The following USF3 variants were observed in gnomAD, a reference collection of about 807,000 sequenced individuals.
USF3 encodes the protein upstream transcription factor family member 3, also known as basic helix-loop-helix domain-containing protein USF3.
USF3 carries 29 observed loss-of-function variants against 157.5 expected under a neutral mutation model. The ratio of observed to expected loss-of-function variants is 0.18; its 90% CI spans 0.14 to 0.25. The LOEUF is 0.25. USF3 is among the 10% of genes least tolerant of loss of function. The pLI, the probability that USF3 is intolerant of heterozygous loss-of-function variation, is 1.00. For missense variants in USF3, 2,381 were observed against 2,667.6 expected, an observed-to-expected ratio of 0.89 and a Z score of 2.37; for synonymous variants, 893 against 941.4, an observed-to-expected ratio of 0.95 and a Z score of 0.94.
At chr3:113,689,172 T>C (rs1483638175) in intron 1 of USF3, among the ~76,000 whole-genome samples, 2 of 152,254 alleles carry the variant, frequency 1.3e-5, no homozygotes, top group African/African-American at 4.8e-5. Flanking sequence ...ATCTCAAAGC[T>C]GGCAGGTACT....
chr3:113,695,103 C>T (rs1707771361), intron 1 of USF3, among the ~76,000 whole-genome samples: 1 of 152,194 alleles, frequency 6.6e-6, no homozygotes, highest in South Asian at 2.1e-4. Flanking sequence ...CATTAAAAGC[C>T]GTCCTTGGAC....
In USF3 at chr3:113,674,834, G is replaced by A. The variant is rs1230750030; in HGVS notation, c.45C>T (p.His15=). 1 of 1,612,968 alleles carries A rather than the reference G, an allele frequency of 6.2e-7. No individual in the cohort carries two copies. Among genetic ancestry groups the A allele is most frequent in the Non-Finnish European group, 8.5e-7 (1 of 1,178,998 alleles). Residue 15 remains histidine, a splice_region_variant and synonymous_variant, in exon 3 of 7, where the codon CAC becomes CAT. Transcript: ENST00000316407. ...TENETPTKKQ[H]RKKNRETHNA... is the part of the protein sequence containing the mutation. Reference sequence around the variant, plus strand: ...ATATTGGGGCTGTGGATACATACCTGTGCTGCTTTTTTGTAGGCGTCTCAT... The same window carrying A: ...ATATTGGGGCTGTGGATACATACCTATGCTGCTTTTTTGTAGGCGTCTCAT...
At position 113,655,974 on chromosome 3, in the gene USF3, G is replaced by A. The variant is rs763568944; in HGVS notation, c.5708C>T (p.Ser1903Leu). 37 of 1,614,044 alleles carry A rather than the reference G, an allele frequency of 2.3e-5. No individual in the cohort carries two copies. In the Admixed American group the frequency reaches 3.8e-4, roughly 17 times the overall value. The change falls in exon 7 of 7, where the codon TCA (serine) becomes TTA (leucine). Residue 1903 changes from serine to leucine, a missense_variant. By Grantham distance (145) the Ser-to-Leu change is moderately radical. Around this residue, in one of 6 missense-constraint regions of USF3, gnomAD observed 770 missense variants for 824.2 expected, o/e 0.93. Transcript: ENST00000316407. Reference protein sequence around the residue: ...LNIPFSSSSSSGDIQGRNTSP... With the variant: ...LNIPFSSSSSLGDIQGRNTSP... ...TGTGTTTCGACCTTGAATATCTCCT[G>A]AGGAAGAGGAACTTGAAAAAGGAAT... is the stretch of plus-strand genomic sequence containing the variant.
chr3:113,660,968 C>T lies in USF3; in HGVS notation c.714G>A (p.Glu238=). The part of the protein sequence containing the change: ...PAAISAQSIL[E]LPTSESESNV... ...TTGATTCGCTTTCAGAGGTGGGAAGCTCGAGAATACTCTGAGCAGAAATGG... is the reference window on the plus strand; with the variant it reads ...TTGATTCGCTTTCAGAGGTGGGAAGTTCGAGAATACTCTGAGCAGAAATGG... The change falls in exon 7 of 7, where the codon GAG becomes GAA. Residue 238 remains glutamate, a synonymous_variant. Transcript: ENST00000316407. 1 of 1,614,144 alleles carries T rather than the reference C, an allele frequency of 6.2e-7. No individual in the cohort carries two copies. The highest frequency in any genetic ancestry group is 8.5e-7 in the Non-Finnish European group (1 of 1,180,032).
At position 113,675,780 on chromosome 3, in the gene USF3, G is replaced by T. The variant is rs1029966106; in HGVS notation, c.-18-884C>A. Among the ~76,000 whole-genome samples the T allele has an allele frequency of 7.2e-5, 11 of 152,178 alleles. 1 individual carries two copies. Among genetic ancestry groups the T allele is most frequent in the Admixed American group, 2.6e-4 (4 of 15,284 alleles). On this transcript the variant is annotated intron_variant, in intron 2 of 6. Transcript: ENST00000316407. Reference sequence around the variant, plus strand: ...ATTGAGTCACAGCTCCACAGTGCTGGAGAATGCCTCTGGAAACTTACAATC... The same window carrying T: ...ATTGAGTCACAGCTCCACAGTGCTGTAGAATGCCTCTGGAAACTTACAATC...
At chr3:113,689,901 T>C (rs1445171338) in intron 1 of USF3, among the ~76,000 whole-genome samples, 2 of 152,236 alleles carry the variant, frequency 1.3e-5, no homozygotes, top group Non-Finnish European at 2.9e-5. Flanking sequence ...TCTTTCTCCT[T>C]TGAGTTCCAA....
In USF3 at chr3:113,660,412, A is replaced by C; in HGVS notation, c.1270T>G (p.Ser424Ala). 6.2e-7 allele frequency: 1 copy of C among 1,614,150 alleles called. No individual in the cohort carries two copies. The highest frequency in any genetic ancestry group is 8.5e-7 in the Non-Finnish European group (1 of 1,179,998). The change falls in exon 7 of 7, where the codon TCT (serine) becomes GCT (alanine). Residue 424 changes from serine to alanine, a missense_variant. Ser to Ala is a moderately conservative substitution (Grantham distance 99). Transcript: ENST00000316407. ...LKNINSLTRI[S>A]SAGNTQTTWT... The stretch of plus-strand genomic sequence containing the variant: ...GTTGTCTGTGTGTTTCCAGCTGAAG[A>C]GATTCGTGTAAGGCTATTAATGTTT...
Position 113,658,855 on chromosome 3 carries a change from C to A in USF3, c.2827G>T (p.Val943Leu), listed in dbSNP as rs1947421264. 6.2e-7 allele frequency: 1 copy of A among 1,614,066 alleles called. No homozygotes were observed. Among genetic ancestry groups the A allele is most frequent in the African/African-American group, 1.3e-5 (1 of 74,924 alleles). ...DAAKPCASAN[V>L]LIPSPSDPHI... is the part of the protein sequence containing the mutation. Reference sequence around the variant, plus strand: ...GGATCACTTGGAGATGGAATCAATACATTGGCTGAAGCGCAGGGTTTGGCA... The same window carrying A: ...GGATCACTTGGAGATGGAATCAATAAATTGGCTGAAGCGCAGGGTTTGGCA... The change falls in exon 7 of 7, where the codon GTA becomes TTA. Residue 943 changes from valine (V) to leucine (L), a missense_variant. Transcript: ENST00000316407.
chr3:113,678,338 T>A (rs1262296495), intron 1 of USF3, among the ~76,000 whole-genome samples: 1 of 152,002 alleles, frequency 6.6e-6, no homozygotes, highest in Non-Finnish European at 1.5e-5. Flanking sequence ...ACATCTAGAG[T>A]ATTTTTTTTT....
At position 113,648,976 on chromosome 3, in the gene USF3, T is replaced by C. The variant is rs1436204932; in HGVS notation, c.*5968A>G. On this transcript the variant is annotated 3_prime_UTR_variant, in exon 7 of 7. Coordinates refer to ENST00000316407, the MANE Select transcript of USF3 (RefSeq NM_001009899.4). ...TAACACAACTGCAGCATCTTAACAC[T>C]ATCTGGTCCCTTTCTTCTTGGAAGA... is the stretch of plus-strand genomic sequence containing the variant. 6.6e-6 allele frequency: 1 copy of C among 152,530 alleles called. No individual in the cohort carries two copies. The highest frequency in any genetic ancestry group is 1.5e-5 in the Non-Finnish European group (1 of 68,026). The allele number at this position is 152,530 out of a possible 1,614,324, so 9.4% of individuals were successfully genotyped here. A position where few individuals can be genotyped will look rare whatever the true frequency, so the allele number is the denominator to read the frequency against.
In USF3 at chr3:113,664,922, A is replaced by G. The variant is rs577862014; in HGVS notation, c.160-513T>C. ...CTCTCTCTGTCTGCCACTTGAGGAC[A>G]TAACTAGGAAGTGGGTTATCACCAG... On this transcript the variant is annotated intron_variant, in intron 5 of 6. Coordinates refer to ENST00000316407, the MANE Select transcript of USF3 (RefSeq NM_001009899.4). Among the ~76,000 whole-genome samples, 3 of 152,348 alleles carry G rather than the reference A, an allele frequency of 2.0e-5. No homozygotes were observed. In the South Asian group the frequency reaches 6.2e-4, roughly 32 times the overall value.
intron 4 of USF3, among the ~76,000 whole-genome samples, chr3:113,670,628 G>A (rs765858993): frequency 4.0e-5 from 6 of 151,898 alleles, no homozygotes; most frequent in African/African-American, 7.3e-5. Context: ...AGGGGGAAGG[G>A]GAGCGGAAGG....
At chr3:113,667,859 T>G (rs1291703517) in intron 5 of USF3, among the ~76,000 whole-genome samples, 1 of 148,366 alleles carries the variant, frequency 6.7e-6, no homozygotes, top group Non-Finnish European at 1.5e-5. Flanking sequence ...AGAGTGAGAC[T>G]GTCTCAAAAC....
chr3:113,655,933 C>T lies in USF3; in HGVS notation c.5749G>A (p.Val1917Ile). 14 of 1,614,168 alleles carry T rather than the reference C, an allele frequency of 8.7e-6. No homozygotes were observed. The highest frequency in any genetic ancestry group is 1.2e-5 in the Non-Finnish European group (14 of 1,180,038). ...QGRNTSPNVS[V>I]QKSNPMRITE... Reference sequence around the variant, plus strand: ...ATCCTCATGGGATTGGATTTCTGTACAGAAACATTGGGGCTTGTGTTTCGA... The same window carrying T: ...ATCCTCATGGGATTGGATTTCTGTATAGAAACATTGGGGCTTGTGTTTCGA... The change falls in exon 7 of 7, where the codon GTA becomes ATA. Residue 1917 changes from valine (V) to isoleucine (I), a missense_variant. Coordinates refer to ENST00000316407, the MANE Select transcript of USF3 (RefSeq NM_001009899.4).
chr3:113,660,421 T>C lies in USF3; in HGVS notation c.1261A>G (p.Thr421Ala). ...GTGTTTCCAGCTGAAGAGATTCGTG[T>C]AAGGCTATTAATGTTTTTCAAATCT... ...TSDLKNINSL[T>A]RISSAGNTQT... The change falls in exon 7 of 7, where the codon ACA (threonine) becomes GCA (alanine). Residue 421 changes from threonine to alanine, a missense_variant. This residue lies in a region of USF3 where 1,435 missense variants were observed against 1,550.9 expected (regional missense o/e 0.93). Coordinates refer to ENST00000316407, the MANE Select transcript of USF3 (RefSeq NM_001009899.4). 1.2e-6 allele frequency: 2 copies of C among 1,614,162 alleles called. No individual in the cohort carries two copies.
intron 1 of USF3, among the ~76,000 whole-genome samples, chr3:113,680,662 A>G (rs1299098874): frequency 6.6e-6 from 1 of 152,058 alleles, no homozygotes; most frequent in Non-Finnish European, 1.5e-5. Context: ...AACTATAAAA[A>G]TTCACCGGGT....
intron 5 of USF3, among the ~76,000 whole-genome samples, chr3:113,668,454 C>T (rs1947603534): frequency 6.7e-6 from 1 of 149,754 alleles, no homozygotes; most frequent in South Asian, 2.1e-4. Flanking sequence ...AAATTAATAG[C>T]TATCCCACAA....
chr3:113,656,782 T>C lies in USF3; in HGVS notation c.4900A>G (p.Arg1634Gly), dbSNP rs575182590. 245 of 1,614,224 alleles carry C rather than the reference T, an allele frequency of 1.5e-4. 1 individual carries two copies. The South Asian group carries it at 2.1e-3, about 14-fold the overall frequency. ...GACACCATTTGCTGCTCTAAGCCTC[T>C]TGATGTCAAAAGCCTCTGCATTGGA... ...HNPMQRLLTS[R>G]GLEQQMVSQP... Residue 1634 changes from arginine to glycine, a missense_variant, in exon 7 of 7, where the codon AGA becomes GGA. Arg to Gly is a moderately radical substitution (Grantham distance 125). Coordinates refer to ENST00000316407, the MANE Select transcript of USF3 (RefSeq NM_001009899.4).
intron 1 of USF3, among the ~76,000 whole-genome samples, chr3:113,688,934 G>A (rs1707621351): frequency 6.6e-6 from 1 of 152,164 alleles, no homozygotes; most frequent in Non-Finnish European, 1.5e-5. Flanking sequence ...GGGAGGCTGA[G>A]GCCGGAGAAT....
Sources: gnomAD v4.1 joint callset for allele counts (sites outside exome capture counted in the v4.1 genomes callset) on GRCh38, gnomAD v4.1.1 for gene constraint, gnomAD v4.1.1 regional missense constraint, MANE v1.5 for transcripts, NCBI Gene and HGNC (gene_info 2026-07-23, HGNC 2026-07-21) for gene names.